The following FAM20B variants were observed in gnomAD, a reference collection of about 807,000 sequenced individuals.
FAM20B encodes FAM20B glycosaminoglycan xylosylkinase, also known as glycosaminoglycan xylosylkinase.
FAM20B carries 23 observed loss-of-function variants against 43.8 expected under a neutral mutation model. That is an observed-to-expected ratio of 0.53 (90% CI 0.38 to 0.74). The LOEUF is 0.74. FAM20B is among the 30% of genes least tolerant of loss of function. The pLI, the probability that FAM20B is intolerant of heterozygous loss-of-function variation, is 0.00. For synonymous variants in FAM20B, 178 were observed against 192.4 expected (o/e 0.93, Z 0.62); for missense variants, 440 against 510.5 (o/e 0.86, Z 1.33).
upstream of FAM20B, among the ~76,000 whole-genome samples, chr1:179,023,996 T>C (rs140649211): frequency 1.2e-4 from 19 of 152,142 alleles, no homozygotes; most frequent in Admixed American, 1.3e-4. Flanking sequence ...GGCACGGTGC[T>C]GGTGCTATGC....
rs1652084061 is a variant in FAM20B at position 179,075,234 on chromosome 1, C to T, written c.*3090C>T. ...GTGAATTTTTTTTTAAGTTTTGTAA[C>T]ACTGTCCTACTTTATTTATTAGAAT... On this transcript the variant is annotated 3_prime_UTR_variant, in exon 8 of 8. Coordinates refer to ENST00000263733, the MANE Select transcript of FAM20B (RefSeq NM_014864.4). 1 of 151,082 alleles carries T rather than the reference C, an allele frequency of 6.6e-6. No homozygotes were observed. Among genetic ancestry groups the T allele is most frequent in the Admixed American group, 6.6e-5 (1 of 15,176 alleles). 9.4% of individuals were successfully genotyped at this position (151,082 alleles called of 1,614,324 possible).
chr1:179,061,287 AGGCT>A (rs1257592389), intron 4 of FAM20B, among the ~76,000 whole-genome samples: 1 of 152,174 alleles, frequency 6.6e-6, no homozygotes, highest in Non-Finnish European at 1.5e-5. Context: ...CATGTTGGCC[AGGCT>A]GGTCTCAAAT....
In FAM20B at chr1:179,075,360, A is replaced by G. The variant is rs1159977651; in HGVS notation, c.*3216A>G. The G allele has an allele frequency of 6.6e-6, 1 of 152,170 alleles. No individual in the cohort carries two copies. Among genetic ancestry groups the G allele is most frequent in the East Asian group, 1.9e-4 (1 of 5,198 alleles). 9.4% of individuals were successfully genotyped at this position (152,170 alleles called of 1,614,324 possible). On this transcript the variant is annotated 3_prime_UTR_variant, in exon 8 of 8. Coordinates refer to ENST00000263733, the MANE Select transcript of FAM20B (RefSeq NM_014864.4). ...GTAGACGTGGAGACATTTTAATACT[A>G]CAAAACTAGGAAAATCAGAACTCAT...
intron 1 of FAM20B, among the ~76,000 whole-genome samples, chr1:179,031,169 A>G (rs1322997537): frequency 6.6e-6 from 1 of 152,360 alleles, no homozygotes; most frequent in Admixed American, 6.5e-5. Context: ...AAATGTTATA[A>G]TATTTGTAAT....
chr1:179,033,010 T>C (rs1650074178), intron 1 of FAM20B, among the ~76,000 whole-genome samples: 1 of 152,220 alleles, frequency 6.6e-6, no homozygotes, highest in Non-Finnish European at 1.5e-5. Context: ...GGGTGTAAAC[T>C]CATAACAGTT....
rs753000692 is a variant in FAM20B at position 179,075,296 on chromosome 1, A to G, written c.*3152A>G. 1.3e-5 allele frequency: 2 copies of G among 152,040 alleles called. No homozygotes were observed. The highest frequency in any genetic ancestry group is 2.9e-5 in the Non-Finnish European group (2 of 68,018). 9.4% of individuals were successfully genotyped at this position (152,040 alleles called of 1,614,324 possible). The stretch of plus-strand genomic sequence containing the variant: ...ACAATCAAGTCGTTGCAGGGTTTGG[A>G]TCAGCTGTAAGTTAGGTATGCCTAC... On this transcript the variant is annotated 3_prime_UTR_variant, in exon 8 of 8. Coordinates refer to ENST00000263733, the MANE Select transcript of FAM20B (RefSeq NM_014864.4).
intron 2 of FAM20B, 111 bp downstream of exon 2, chr1:179,044,335 A>G: frequency 8.2e-7 from 1 of 1,221,396 alleles, no homozygotes; most frequent in South Asian, 1.5e-5. Flanking sequence ...CAGTAAAATA[A>G]GAGGGGTAGA....
intron 6 of FAM20B, among the ~76,000 whole-genome samples, chr1:179,065,478 T>C (rs1651653565): frequency 6.6e-6 from 1 of 152,166 alleles, no homozygotes; most frequent in Non-Finnish European, 1.5e-5. Context: ...TTCCTTGGAG[T>C]ACAGAATTTT....
chr1:179,064,024 G>A lies in FAM20B; in HGVS notation c.672G>A (p.Trp224Ter), dbSNP rs1651584716. 6.2e-7 allele frequency: 1 copy of A among 1,613,970 alleles called. No individual in the cohort carries two copies. Residue 224 changes from tryptophan to a stop codon, truncating the protein, a stop_gained, in exon 5 of 8, where the codon TGG becomes TGA. Coordinates refer to ENST00000263733, the MANE Select transcript of FAM20B (RefSeq NM_014864.4). LOFTEE classifies it high-confidence loss of function. ...TAATGGAGGGATCTGTCACACTTTG[G>A]CTTCCAGATGTGTGGCCTCTGCAGA... ...GDIMEGSVTL[W>*]LPDVWPLQKH...
chr1:179,061,274 C>T (rs866881463), intron 4 of FAM20B, among the ~76,000 whole-genome samples: 1 of 152,070 alleles, frequency 6.6e-6, no homozygotes, highest in Non-Finnish European at 1.5e-5. Flanking sequence ...GACAGGGTTT[C>T]GCCATGTTGG....
rs377369976 is a variant in FAM20B, at chr1:179,031,764, T to C, written c.-134+5666T>C. 3.6e-3 allele frequency among the ~76,000 whole-genome samples: 548 copies of C among 151,234 alleles called. 4 individuals are homozygous for C. The highest frequency in any genetic ancestry group is 0.013 in the African/African-American group (523 of 41,058). ...TACACCTGTACTCTTAAGTTACTCT[T>C]AAGGCTTATCTTAAGGGCTTTAGCA... On this transcript the variant is annotated intron_variant, in intron 1 of 7. Transcript: ENST00000263733.
At chr1:179,058,498 G>A (rs1651319755) in intron 4 of FAM20B, among the ~76,000 whole-genome samples, 1 of 152,230 alleles carries the variant, frequency 6.6e-6, no homozygotes, top group African/African-American at 2.4e-5. Flanking sequence ...AACAAGCTCA[G>A]GAGACTGTGC....
At chr1:179,053,443 CCAAA>C (rs66615067) in intron 3 of FAM20B, among the ~76,000 whole-genome samples, 67,149 of 150,694 alleles carry the variant, frequency 0.45, 15,231 homozygotes, top group African/African-American at 0.49. Flanking sequence ...AACCAACCAC[CCAAA>C]CAAACAAACA....
chr1:179,063,356 TAAG>T (rs1364585028), intron 4 of FAM20B, among the ~76,000 whole-genome samples: 2 of 152,000 alleles, frequency 1.3e-5, no homozygotes. Flanking sequence ...GAGGCTGAAG[TAAG>T]AAGATCACTT....
intron 1 of FAM20B, among the ~76,000 whole-genome samples, chr1:179,041,717 AC>A (rs1311951653): frequency 3.0e-4 from 44 of 146,030 alleles, no homozygotes; most frequent in African/African-American, 9.6e-4. Flanking sequence ...GAGACAGGAG[AC>A]GGGAGACGGG....
At chr1:179,059,539 G>A (rs1490780288) in intron 4 of FAM20B, among the ~76,000 whole-genome samples, 1 of 152,134 alleles carries the variant, frequency 6.6e-6, no homozygotes, top group Non-Finnish European at 1.5e-5. Context: ...TTCTAGTTAT[G>A]AAGATTCTTA....
intron 1 of FAM20B, among the ~76,000 whole-genome samples, chr1:179,026,821 G>A (rs944893939): frequency 3.3e-5 from 5 of 152,242 alleles, no homozygotes; most frequent in African/African-American, 1.2e-4. Context: ...GTCGAGCTGC[G>A]TCCTTGATTG....
chr1:179,059,194 A>C (rs1020973656), intron 4 of FAM20B, among the ~76,000 whole-genome samples: 1 of 152,220 alleles, frequency 6.6e-6, no homozygotes, highest in Non-Finnish European at 1.5e-5. Flanking sequence ...AGTTTTTAAA[A>C]GTTTGGCAAT....
intron 1 of FAM20B, among the ~76,000 whole-genome samples, chr1:179,034,016 T>C (rs1650116706): frequency 6.6e-6 from 1 of 152,112 alleles, no homozygotes; most frequent in Admixed American, 6.5e-5. Context: ...ATTATATAGG[T>C]CATCTGGTCT....
Sources: gnomAD v4.1 joint callset for allele counts (sites outside exome capture counted in the v4.1 genomes callset) on GRCh38, gnomAD v4.1.1 for gene constraint, MANE v1.5 for transcripts, NCBI Gene and HGNC (gene_info 2026-07-23, HGNC 2026-07-21) for gene names.